Variants in SV2C observed in about 807,000 individuals in gnomAD.
SV2C encodes synaptic vesicle glycoprotein 2C.
In SV2C, 49 loss-of-function variants were observed where a neutral mutation model predicts 79.7. The observed-to-expected ratio is 0.61, with a 90% CI of 0.49 to 0.78. The LOEUF is 0.78. Among genes scored for constraint, SV2C ranks in the 30% least tolerant of loss-of-function variants. The pLI is 0.00. For synonymous variants in SV2C, 334 were observed against 333.2 expected, an observed-to-expected ratio of 1.00 and a Z score of -0.03; for missense variants, 833 against 912.9, an observed-to-expected ratio of 0.91 and a Z score of 1.13.
chr5:76,224,488 C>T (rs1745182222), intron 4 of SV2C, among the ~76,000 whole-genome samples: 1 of 152,176 alleles, frequency 6.6e-6, no homozygotes, highest in South Asian at 2.1e-4. Flanking sequence ...GTCTTAGTAA[C>T]TCACCGCTGT....
At chr5:76,133,574 T>C (rs1368226431) in intron 2 of SV2C, among the ~76,000 whole-genome samples, 1 of 152,238 alleles carries the variant, frequency 6.6e-6, no homozygotes, top group African/African-American at 2.4e-5. Context: ...TGTTTCTTTA[T>C]GCTTAGCTAA....
chr5:76,291,765 C>T lies in SV2C; in HGVS notation c.1249-3C>T. On this transcript the variant is annotated splice_polypyrimidine_tract_variant and splice_region_variant and intron_variant, in intron 7 of 12. Transcript: ENST00000502798. ...AGAAAACTAACTCTCTAATATTTCACAGATTTGGTTGACTTTTATGAGATG... is the reference window on the plus strand; with the variant it reads ...AGAAAACTAACTCTCTAATATTTCATAGATTTGGTTGACTTTTATGAGATG... The T allele has an allele frequency of 6.2e-7, 1 of 1,603,262 alleles. No individual in the cohort carries two copies. The highest frequency in any genetic ancestry group is 1.3e-5 in the African/African-American group (1 of 74,888).
At chr5:75,941,176 A>G in the SV2C span, among the ~76,000 whole-genome samples, 1 of 152,192 alleles carries the variant, frequency 6.6e-6, no homozygotes, top group Non-Finnish European at 1.5e-5. Flanking sequence ...TTTATTAGAA[A>G]AAATAAAGAA....
chr5:75,978,435 T>C, the SV2C span, among the ~76,000 whole-genome samples: 1 of 152,292 alleles, frequency 6.6e-6, no homozygotes, highest in South Asian at 2.1e-4. Flanking sequence ...TTCTGTAGTC[T>C]AATCACTCTA....
chr5:76,036,890 C>A, the SV2C span, among the ~76,000 whole-genome samples: 2 of 152,222 alleles, frequency 1.3e-5, no homozygotes, highest in Non-Finnish European at 2.9e-5. Context: ...ACCAATCAGA[C>A]GTAGATTTGG....
the SV2C span, among the ~76,000 whole-genome samples, chr5:76,029,587 C>T: frequency 2.0e-5 from 3 of 152,160 alleles, no homozygotes; most frequent in Non-Finnish European, 4.4e-5. Context: ...AGTACTAAAT[C>T]AGACTACAGT....
the SV2C span, among the ~76,000 whole-genome samples, chr5:76,042,097 G>A: frequency 6.6e-6 from 1 of 152,220 alleles, no homozygotes; most frequent in Non-Finnish European, 1.5e-5. Flanking sequence ...GCTGCTCACA[G>A]GGTCTGGTTA....
chr5:76,138,294 T>C (rs1474770754), intron 2 of SV2C, among the ~76,000 whole-genome samples: 1 of 152,154 alleles, frequency 6.6e-6, no homozygotes, highest in Non-Finnish European at 1.5e-5. Flanking sequence ...TCCTTTCCAG[T>C]TCCCTCACGT....
intron 9 of SV2C, among the ~76,000 whole-genome samples, chr5:76,296,730 A>C: frequency 6.6e-6 from 1 of 152,234 alleles, no homozygotes; most frequent in East Asian, 1.9e-4. Context: ...CCCAGGGCAA[A>C]AACCAGTTCA....
intron 1 of SV2C, among the ~76,000 whole-genome samples, chr5:76,100,863 G>GAC (rs1348135484): frequency 6.6e-6 from 1 of 152,196 alleles, no homozygotes; most frequent in African/African-American, 2.4e-5. Context: ...GATGGCTTAT[G>GAC]ACAGCCTTGG....
At chr5:76,203,977 A>G (rs373642879) in intron 3 of SV2C, among the ~76,000 whole-genome samples, 4 of 152,286 alleles carry the variant, frequency 2.6e-5, no homozygotes, top group Admixed American at 2.0e-4. Flanking sequence ...ACTGATAGCA[A>G]ACATGTGCCT....
intron 1 of SV2C, among the ~76,000 whole-genome samples, chr5:76,085,109 G>A (rs1481026493): frequency 6.6e-6 from 1 of 152,196 alleles, no homozygotes; most frequent in Non-Finnish European, 1.5e-5. Context: ...CCTTAATTCT[G>A]AAGAATGTGG....
chr5:76,251,721 C>T (rs1746123047), intron 4 of SV2C, among the ~76,000 whole-genome samples: 1 of 152,130 alleles, frequency 6.6e-6, no homozygotes, highest in African/African-American at 2.4e-5. Context: ...CAGTGGTATC[C>T]AGTGTCAGAG....
downstream of SV2C, among the ~76,000 whole-genome samples, chr5:76,336,377 C>T (rs1226405395): frequency 1.3e-5 from 2 of 151,654 alleles, no homozygotes; most frequent in Non-Finnish European, 2.9e-5. Flanking sequence ...GATGGGATGG[C>T]GGCCTGGCAG....
At chr5:75,871,605 C>T in the SV2C span, among the ~76,000 whole-genome samples, 3 of 151,776 alleles carry the variant, frequency 2.0e-5, no homozygotes, top group African/African-American at 4.8e-5. Flanking sequence ...GTCAGGAGAT[C>T]GAGACCATCC....
chr5:76,144,979 C>G (rs750776868), intron 2 of SV2C, among the ~76,000 whole-genome samples: 3 of 152,222 alleles, frequency 2.0e-5, no homozygotes, highest in Admixed American at 6.5e-5. Context: ...ACCATCTTCT[C>G]TAGCTGAGGC....
At chr5:75,964,314 T>C in the SV2C span, among the ~76,000 whole-genome samples, 1 of 152,194 alleles carries the variant, frequency 6.6e-6, no homozygotes, top group Non-Finnish European at 1.5e-5. Flanking sequence ...CAGGAGTTTG[T>C]CACAACAAGA....
the SV2C span, among the ~76,000 whole-genome samples, chr5:75,941,068 A>G: frequency 3.9e-5 from 6 of 152,196 alleles, no homozygotes; most frequent in Non-Finnish European, 7.3e-5. Flanking sequence ...AATTTCATAC[A>G]TTATGCAAAT....
the SV2C span, among the ~76,000 whole-genome samples, chr5:75,851,051 A>G: frequency 3.9e-5 from 6 of 152,156 alleles, no homozygotes; most frequent in East Asian, 1.2e-3. Flanking sequence ...CCTAAATAGG[A>G]CTCCACATCT....
Sources: gnomAD v4.1 joint callset for allele counts (sites outside exome capture counted in the v4.1 genomes callset) on GRCh38, gnomAD v4.1.1 for gene constraint, MANE v1.5 for transcripts, NCBI Gene and HGNC (gene_info 2026-07-23, HGNC 2026-07-21) for gene names.